Variants in SLC4A7 observed in about 807,000 individuals in gnomAD.
SLC4A7 encodes the protein sodium bicarbonate cotransporter 3.
Under a neutral mutation model 137.6 loss-of-function variants are expected in SLC4A7, and 51 were observed. The observed-to-expected ratio is 0.37, with a 90% CI of 0.30 to 0.47. The LOEUF (loss-of-function observed/expected upper bound fraction) is 0.47. SLC4A7 is among the 20% of genes least tolerant of loss of function. SLC4A7 has a pLI of 1.00. For missense variants in SLC4A7, 1,247 were observed against 1,525.4 expected (o/e 0.82, Z 3.04); for synonymous variants, 542 against 518.6 (o/e 1.05, Z -0.61).
intron 17 of SLC4A7, 196 bp downstream of exon 17, chr3:27,397,996 A>G: frequency 1.7e-6 from 1 of 606,038 alleles, no homozygotes. Context: ...TAACCTAGCA[A>G]CTCTTATGGT....
intron 1 of SLC4A7, among the ~76,000 whole-genome samples, chr3:27,482,615 A>G (rs372223036): frequency 6.6e-6 from 1 of 152,256 alleles, no homozygotes; most frequent in South Asian, 2.1e-4. Flanking sequence ...TACTAAAAAT[A>G]CAAAAAATTA....
intron 1 of SLC4A7, among the ~76,000 whole-genome samples, chr3:27,482,785 T>A (rs969834210): frequency 1.4e-4 from 21 of 152,008 alleles, no homozygotes; most frequent in Non-Finnish European, 3.1e-4. Flanking sequence ...ATAATAATAA[T>A]AATAATTACA....
chr3:27,431,213 G>A lies in SLC4A7; in HGVS notation c.1150+85C>T. 3 of 1,373,132 alleles carry A rather than the reference G, an allele frequency of 2.2e-6. No homozygotes were observed. In the South Asian group the frequency reaches 4.5e-5, roughly 21 times the overall value. 85.1% of individuals were successfully genotyped at this position (1,373,132 alleles called of 1,614,324 possible). A position where few individuals can be genotyped will look rare whatever the true frequency, so the allele number is the denominator to read the frequency against. Reference sequence around the variant, plus strand: ...ATTATAAGCATTATCTACATATGCTGCTTAAGCTATGTGCTAAAAGGCATT... The same window carrying A: ...ATTATAAGCATTATCTACATATGCTACTTAAGCTATGTGCTAAAAGGCATT... On this transcript the variant is annotated intron_variant, in intron 7 of 25. Transcript: ENST00000454389.
intron 3 of SLC4A7, 37 bp downstream of exon 3, chr3:27,448,614 A>C (rs2057846273): frequency 5.2e-6 from 8 of 1,547,086 alleles, no homozygotes. Context: ...GGAAAATAGG[A>C]ACTTTAAACT....
chr3:27,431,203 T>C (rs927731654), intron 7 of SLC4A7, 95 bp downstream of exon 7: 30 of 1,249,058 alleles, frequency 2.4e-5, no homozygotes, highest in Admixed American at 5.2e-5. Flanking sequence ...AAGCATTATC[T>C]ACATATGCTG....
intron 6 of SLC4A7, among the ~76,000 whole-genome samples, chr3:27,433,585 C>T (rs932401372): frequency 2.6e-5 from 4 of 151,604 alleles, no homozygotes; most frequent in African/African-American, 9.7e-5. Context: ...AATAAAGAGC[C>T]GTGAAATCAG....
intron 11 of SLC4A7, among the ~76,000 whole-genome samples, chr3:27,417,793 T>C (rs1254028899): frequency 6.6e-6 from 1 of 151,884 alleles, no homozygotes; most frequent in African/African-American, 2.4e-5. Context: ...ATACTTAAAA[T>C]AGGAAGATAA....
At chr3:27,427,817 C>T (rs1455562054) in intron 7 of SLC4A7, among the ~76,000 whole-genome samples, 2 of 152,130 alleles carry the variant, frequency 1.3e-5, no homozygotes, top group Non-Finnish European at 2.9e-5. Flanking sequence ...CTCTCCTCTC[C>T]ACTCTAATTT....
chr3:27,469,325 G>A (rs897468605), intron 1 of SLC4A7, among the ~76,000 whole-genome samples: 11 of 152,172 alleles, frequency 7.2e-5, no homozygotes, highest in African/African-American at 2.6e-4. Flanking sequence ...AACACTACCT[G>A]GAGATAGTGT....
At chr3:27,401,048 G>T in intron 15 of SLC4A7, 179 bp from the exon 16 acceptor site, 1 of 442,150 alleles carries the variant, frequency 2.3e-6, no homozygotes, top group Non-Finnish European at 4.0e-6. Flanking sequence ...TTGGGTTATA[G>T]AAATAAAATA....
chr3:27,430,564 G>A (rs1458323325), intron 7 of SLC4A7, among the ~76,000 whole-genome samples: 1 of 143,898 alleles, frequency 6.9e-6, no homozygotes, highest in Non-Finnish European at 1.5e-5. Flanking sequence ...AGGTTACAGT[G>A]AGCTGAGATC....
chr3:27,440,370 A>C (rs1032365583), intron 3 of SLC4A7, among the ~76,000 whole-genome samples: 1 of 152,030 alleles, frequency 6.6e-6, no homozygotes, highest in East Asian at 1.9e-4. Flanking sequence ...ACCTCCTCTT[A>C]CTAAGGATCC....
At chr3:27,421,303 G>A (rs565661360) in intron 9 of SLC4A7, among the ~76,000 whole-genome samples, 10 of 151,982 alleles carry the variant, frequency 6.6e-5, no homozygotes, top group East Asian at 2.0e-4. Context: ...TTCGAGACCA[G>A]ATGGGACAAT....
chr3:27,440,897 T>G (rs2057138190), intron 3 of SLC4A7, among the ~76,000 whole-genome samples: 2 of 151,602 alleles, frequency 1.3e-5, no homozygotes, highest in South Asian at 4.2e-4. Context: ...ATACAAAAAT[T>G]AGCCAGCCAT....
At chr3:27,425,068 A>C (rs1352168688) in intron 7 of SLC4A7, among the ~76,000 whole-genome samples, 2 of 152,154 alleles carry the variant, frequency 1.3e-5, no homozygotes, top group African/African-American at 4.8e-5. Context: ...AAAAAGTTAA[A>C]ATTTAAAAAA....
Position 27,409,510 on chromosome 3 carries a change from A to G in SLC4A7, c.1787T>C (p.Leu596Pro), listed in dbSNP as rs1164383927. 1 of 1,613,014 alleles carries G rather than the reference A, an allele frequency of 6.2e-7. No homozygotes were observed. The change falls in exon 13 of 26, where the codon CTT (leucine) becomes CCT (proline). Residue 596 changes from leucine to proline, a missense_variant. By Grantham distance (98) the Leu-to-Pro change is moderately conservative. Coordinates refer to ENST00000454389, the MANE Select transcript of SLC4A7 (RefSeq NM_001321103.2). ...RTGRLFGGLI[L>P]DIKRKAPFFL... ...AAAAGGTGCTTTCCTTTTGATGTCA[A>G]GTATCAAACCACCAAAAAGCCTAAA... is the stretch of plus-strand genomic sequence containing the variant.
At chr3:27,424,909 T>C (rs1033485336) in intron 7 of SLC4A7, among the ~76,000 whole-genome samples, 1 of 152,196 alleles carries the variant, frequency 6.6e-6, no homozygotes, top group Non-Finnish European at 1.5e-5. Context: ...GGATTAGAAA[T>C]GATACTTGTT....
chr3:27,450,874 C>G (rs1206567952), intron 2 of SLC4A7, among the ~76,000 whole-genome samples: 1 of 151,866 alleles, frequency 6.6e-6, no homozygotes, highest in Non-Finnish European at 1.5e-5. Flanking sequence ...AACTTGATAC[C>G]AAACTTGAAG....
intron 3 of SLC4A7, among the ~76,000 whole-genome samples, chr3:27,446,181 TGTTA>T (rs1184594165): frequency 1.3e-5 from 2 of 151,308 alleles, no homozygotes; most frequent in African/African-American, 4.8e-5. Context: ...AAATTTTATT[TGTTA>T]ATTATACCTC....
Sources: allele counts gnomAD v4.1 joint callset (sites outside exome capture counted in the v4.1 genomes callset), GRCh38; gene constraint gnomAD v4.1.1; transcripts MANE v1.5; gene names NCBI Gene and HGNC (gene_info 2026-07-23, HGNC 2026-07-21).